The following MERTK variants were observed in gnomAD, a reference collection of about 807,000 sequenced individuals.
The protein encoded by MERTK is tyrosine-protein kinase Mer.
Under a neutral mutation model 99.3 loss-of-function variants are expected in MERTK, and 69 were observed. The observed-to-expected ratio is 0.70, with a 90% CI of 0.57 to 0.85. The LOEUF (loss-of-function observed/expected upper bound fraction) is 0.85, where lower values mean the gene tolerates loss of function less well. Among genes scored for constraint, MERTK ranks in the 40% least tolerant of loss-of-function variants. MERTK has a pLI of 0.00. For synonymous variants in MERTK, 426 were observed against 467.6 expected, an observed-to-expected ratio of 0.91 and a Z score of 1.15; for missense variants, 1,125 against 1,249.4, an observed-to-expected ratio of 0.90 and a Z score of 1.50.
chr2:111,964,174 G>A (rs946103737), intron 4 of MERTK, among the ~76,000 whole-genome samples: 1 of 151,478 alleles, frequency 6.6e-6, no homozygotes, highest in Non-Finnish European at 1.5e-5. Flanking sequence ...GAATTATTCT[G>A]CAAGAAGGTT....
chr2:112,027,497 C>G (rs1174694945), intron 18 of MERTK, among the ~76,000 whole-genome samples: 19 of 152,062 alleles, frequency 1.2e-4, no homozygotes, highest in Non-Finnish European at 7.4e-5. Context: ...CATTAAATGT[C>G]CCTCCATTGG....
intron 1 of MERTK, 124 bp from the exon 2 acceptor site, chr2:111,928,996 C>G: frequency 2.1e-6 from 2 of 936,972 alleles, no homozygotes. Flanking sequence ...ATGAATTCTG[C>G]TTATCTTTTC....
chr2:111,898,938 AGAG>A, intron 1 of MERTK, 142 bp downstream of exon 1: 1 of 910,054 alleles, frequency 1.1e-6, no homozygotes, highest in Non-Finnish European at 1.6e-6. Flanking sequence ...CTGCGGTGCC[AGAG>A]GAGGGGGCGT....
chr2:111,968,869 G>C (rs1676015507), intron 6 of MERTK, among the ~76,000 whole-genome samples: 1 of 152,166 alleles, frequency 6.6e-6, no homozygotes, highest in African/African-American at 2.4e-5. Flanking sequence ...CGAAACACAT[G>C]CTTGTGACCA....
intron 1 of MERTK, among the ~76,000 whole-genome samples, chr2:111,900,334 G>T (rs185451703): frequency 1.3e-3 from 194 of 152,238 alleles, no homozygotes; most frequent in African/African-American, 4.5e-3. Flanking sequence ...TAAGAGCCAG[G>T]CAAAGAACTA....
intron 1 of MERTK, among the ~76,000 whole-genome samples, chr2:111,912,794 G>A (rs1684277850): frequency 6.6e-6 from 1 of 152,010 alleles, no homozygotes; most frequent in African/African-American, 2.4e-5. Flanking sequence ...GTCACACACT[G>A]GAGCCTTCCC....
At chr2:111,928,456 G>A (rs529500253) in intron 1 of MERTK, among the ~76,000 whole-genome samples, 1 of 148,892 alleles carries the variant, frequency 6.7e-6, no homozygotes, top group South Asian at 2.2e-4. Flanking sequence ...AGCCAAATTT[G>A]CAGCATAGTC....
intron 18 of MERTK, among the ~76,000 whole-genome samples, chr2:112,027,814 A>G (rs1039802651): frequency 6.6e-6 from 1 of 152,160 alleles, no homozygotes; most frequent in African/African-American, 2.4e-5. Context: ...CAGGGCCCCA[A>G]CTAACTCAGC....
chr2:112,023,694 G>A (rs1460182384), intron 18 of MERTK, among the ~76,000 whole-genome samples: 1 of 152,186 alleles, frequency 6.6e-6, no homozygotes, highest in Non-Finnish European at 1.5e-5. Flanking sequence ...GGCATTGCTG[G>A]TAGCTTGGTG....
At chr2:111,982,477 G>C (rs1427182596) in intron 7 of MERTK, among the ~76,000 whole-genome samples, 1 of 152,014 alleles carries the variant, frequency 6.6e-6, no homozygotes, top group African/African-American at 2.4e-5. Flanking sequence ...CAATCTCCTG[G>C]GCTCAAGGAA....
intron 3 of MERTK, among the ~76,000 whole-genome samples, chr2:111,946,700 T>C (rs534830141): frequency 6.6e-6 from 1 of 152,356 alleles, no homozygotes; most frequent in African/African-American, 2.4e-5. Context: ...ATCTATTACA[T>C]AGCTTTGTTT....
chr2:112,027,294 A>G lies in MERTK; in HGVS notation c.2487-1057A>G, dbSNP rs141315132. ...ATATATATGCCATATATGTGTGTGT[A>G]TATGTGTGTGTGTGTGTATATATAT... On this transcript the variant is annotated intron_variant, in intron 18 of 18. Coordinates refer to ENST00000295408, the MANE Select transcript of MERTK (RefSeq NM_006343.3). 4.3e-3 allele frequency among the ~76,000 whole-genome samples: 642 copies of G among 148,968 alleles called. 10 individuals are homozygous for G. Among genetic ancestry groups the G allele is most frequent in the African/African-American group, 0.015 (579 of 39,712 alleles).
In MERTK at chr2:111,969,663, G is replaced by A. The variant is rs368158885; in HGVS notation, c.960+1411G>A. 6.8e-3 allele frequency among the ~76,000 whole-genome samples: 1,018 copies of A among 149,266 alleles called. 14 individuals are homozygous for A. Among genetic ancestry groups the A allele is most frequent in the African/African-American group, 0.023 (931 of 40,548 alleles). ...CTGTATTATCCGTAAAATAGCCTCC[G>A]CCCTCACCCACCACCTCCAGCCTTT... On this transcript the variant is annotated intron_variant, in intron 6 of 18. Coordinates refer to ENST00000295408, the MANE Select transcript of MERTK (RefSeq NM_006343.3).
intron 1 of MERTK, among the ~76,000 whole-genome samples, chr2:111,926,544 T>TGGTGAAACCCCGTCCCTACTA (rs1558774070): frequency 6.6e-6 from 1 of 152,138 alleles, no homozygotes; most frequent in Non-Finnish European, 1.5e-5. Context: ...CTGGCTAACA[T>TGGTGAAACCCCGTCCCTACTA]GGTGAAACCC....
At chr2:111,923,904 C>G (rs1236757181) in intron 1 of MERTK, among the ~76,000 whole-genome samples, 4 of 152,160 alleles carry the variant, frequency 2.6e-5, no homozygotes, top group African/African-American at 9.7e-5. Context: ...TCATCATTGC[C>G]CAAACCCTTG....
intron 5 of MERTK, among the ~76,000 whole-genome samples, chr2:111,967,910 G>T (rs1685389259): frequency 6.6e-6 from 1 of 152,108 alleles, no homozygotes; most frequent in South Asian, 2.1e-4. Context: ...ATAGGAAAGT[G>T]GGTCTGCGTT....
chr2:111,945,354 A>G (rs1290637665), intron 3 of MERTK, among the ~76,000 whole-genome samples: 1 of 152,260 alleles, frequency 6.6e-6, no homozygotes, highest in Non-Finnish European at 1.5e-5. Context: ...AAATAAGCTG[A>G]AGACTTCTTT....
Position 111,914,721 on chromosome 2 carries a change from T to C in MERTK, c.62-14399T>C, listed in dbSNP as rs543729907. Among the ~76,000 whole-genome samples the C allele has an allele frequency of 2.0e-4, 30 of 152,390 alleles. No homozygotes were observed. In the South Asian group the frequency reaches 6.0e-3, roughly 30 times the overall value. On this transcript the variant is annotated intron_variant, in intron 1 of 18. Transcript: ENST00000295408. The stretch of plus-strand genomic sequence containing the variant: ...ATTGTCTGATTTTCAAATACTGAAC[T>C]AGCTTTCTATCCATGGCATAAATTC...
rs1684968623 is a variant in MERTK, at chr2:111,946,813, C to G, written c.584-581C>G. 2.0e-5 allele frequency among the ~76,000 whole-genome samples: 3 copies of G among 152,358 alleles called. No homozygotes were observed. The South Asian group carries it at 6.2e-4, about 32-fold the overall frequency. ...GTAAGAACTGCCTGTGGCCTGCCTT[C>G]TGGTAAAACCAGTTCTGAGTCACTA... On this transcript the variant is annotated intron_variant, in intron 3 of 18. Transcript: ENST00000295408.
Sources: allele counts gnomAD v4.1 joint callset (sites outside exome capture counted in the v4.1 genomes callset), GRCh38; gene constraint gnomAD v4.1.1; transcripts MANE v1.5; gene names NCBI Gene and HGNC (gene_info 2026-07-23, HGNC 2026-07-21).